ERCC8: variants seen among roughly 807,000 people sequenced by gnomAD.
The protein encoded by ERCC8 is DNA excision repair protein ERCC-8.
A neutral mutation model predicts 54.9 loss-of-function variants in ERCC8; 52 were observed. That is an observed-to-expected ratio of 0.95 (90% confidence interval 0.76 to 1.19). The LOEUF is 1.19. ERCC8 is among the 50% of genes most tolerant of loss of function. The pLI is 0.00. For synonymous variants in ERCC8, 146 were observed against 157.2 expected, an observed-to-expected ratio of 0.93 and a Z score of 0.53; for missense variants, 514 against 466.1, an observed-to-expected ratio of 1.10 and a Z score of -0.95.
At chr5:60,876,578 G>A (rs1318132561) in intron 11 of ERCC8, among the ~76,000 whole-genome samples, 2 of 152,154 alleles carry the variant, frequency 1.3e-5, no homozygotes, top group African/African-American at 2.4e-5. Flanking sequence ...CATTCTAACT[G>A]GTGTGAGATG....
chr5:60,913,079 T>C (rs1331273764), intron 4 of ERCC8, among the ~76,000 whole-genome samples: 1 of 152,108 alleles, frequency 6.6e-6, no homozygotes, highest in Non-Finnish European at 1.5e-5. Flanking sequence ...TCTGCCAGGC[T>C]TTGTTATCAG....
At chr5:60,882,711 T>TA (rs907642559) in intron 11 of ERCC8, among the ~76,000 whole-genome samples, 2 of 152,084 alleles carry the variant, frequency 1.3e-5, no homozygotes, top group African/African-American at 4.8e-5. Flanking sequence ...AAACCTCAGG[T>TA]AACTACTCAC....
At chr5:60,907,339 T>C (rs1359166560) in intron 4 of ERCC8, 1 of 150,636 alleles carries the variant, frequency 6.6e-6, no homozygotes, top group Non-Finnish European at 1.5e-5. Context: ...ACTCCTGTTA[T>C]CATAGAAACA....
intron 1 of ERCC8, among the ~76,000 whole-genome samples, chr5:60,938,024 TATACATAC>T (rs771352926): frequency 0.011 from 879 of 82,232 alleles, 69 homozygotes; most frequent in Middle Eastern, 0.027. Context: ...TGTGTGTGTG[TATACATAC>T]ATACATACAT....
At chr5:60,906,868 A>G (rs373211136) in intron 4 of ERCC8, among the ~76,000 whole-genome samples, 53 of 152,366 alleles carry the variant, frequency 3.5e-4, no homozygotes, top group African/African-American at 1.3e-3. Flanking sequence ...GCTAAAGGCA[A>G]GAGGGGGTGG....
chr5:60,876,319 G>C (rs1325458067), intron 11 of ERCC8, among the ~76,000 whole-genome samples: 2 of 152,160 alleles, frequency 1.3e-5, no homozygotes, highest in African/African-American at 4.8e-5. Context: ...TTCCTGTTGT[G>C]AATAGTGCCG....
At chr5:60,916,701 T>G (rs916521979) in intron 4 of ERCC8, among the ~76,000 whole-genome samples, 1 of 152,000 alleles carries the variant, frequency 6.6e-6, no homozygotes, top group African/African-American at 2.4e-5. Flanking sequence ...ATCTATTTAG[T>G]TTGAATTATT....
Position 60,871,418 on chromosome 5 carries a change from T to G in ERCC8, c.*3197A>C, listed in dbSNP as rs1747860543. 6.6e-6 allele frequency among the ~76,000 whole-genome samples: 1 copy of G among 152,202 alleles called. No homozygotes were observed. Among genetic ancestry groups the G allele is most frequent in the African/African-American group, 2.4e-5 (1 of 41,444 alleles). The stretch of plus-strand genomic sequence containing the variant: ...CATCCCCTATATGTCTGCATAGATA[T>G]ATATAGGATTGCAATATGAAAGAAC... On this transcript the variant is annotated 3_prime_UTR_variant, in exon 12 of 12. Transcript: ENST00000676185.
At chr5:60,892,493 G>A (rs754647654) in intron 9 of ERCC8, 17 of 578,348 alleles carry the variant, frequency 2.9e-5, no homozygotes, top group East Asian at 8.2e-5. Context: ...TGATCTTCCC[G>A]CTCACCCAGT....
At chr5:60,876,386 T>C (rs1748008453) in intron 11 of ERCC8, among the ~76,000 whole-genome samples, 2 of 152,198 alleles carry the variant, frequency 1.3e-5, no homozygotes, top group Non-Finnish European at 2.9e-5. Flanking sequence ...ATCCTTTGGG[T>C]ATATACCCAG....
At chr5:60,885,830 A>G (rs2112469735) in intron 11 of ERCC8, among the ~76,000 whole-genome samples, 1 of 152,318 alleles carries the variant, frequency 6.6e-6, no homozygotes, top group African/African-American at 2.4e-5. Flanking sequence ...AGATGCTATC[A>G]ACCACCTCTA....
chr5:60,882,483 C>T (rs1748265922), intron 11 of ERCC8, among the ~76,000 whole-genome samples: 1 of 152,152 alleles, frequency 6.6e-6, no homozygotes, highest in Non-Finnish European at 1.5e-5. Context: ...CAACCTCTGC[C>T]CCCCAGGTTC....
intron 4 of ERCC8, among the ~76,000 whole-genome samples, chr5:60,911,233 T>C (rs1580013386): frequency 6.6e-6 from 1 of 151,920 alleles, no homozygotes; most frequent in African/African-American, 2.4e-5. Flanking sequence ...TCTCCCCCTA[T>C]TTCTCCACAT....
intron 4 of ERCC8, among the ~76,000 whole-genome samples, chr5:60,911,669 C>T (rs1458489376): frequency 6.6e-6 from 1 of 152,122 alleles, no homozygotes; most frequent in African/African-American, 2.4e-5. Flanking sequence ...CTTGCCCATA[C>T]CTATGTCCTG....
At chr5:60,906,104 T>C (rs959429422) in intron 4 of ERCC8, among the ~76,000 whole-genome samples, 1 of 152,116 alleles carries the variant, frequency 6.6e-6, no homozygotes, top group Non-Finnish European at 1.5e-5. Flanking sequence ...CAGGAGTAAT[T>C]GGGGAAGTTA....
Position 60,945,010 on chromosome 5 carries a change from T to C in ERCC8, c.-2A>G, listed in dbSNP as rs753387028. ...GCGTGCGGACAAAAACCCCAGCATA[T>C]CGTGTCCTCACACCGGCTGGAGCAC... is the stretch of plus-strand genomic sequence containing the variant. On this transcript the variant is annotated 5_prime_UTR_variant, in exon 1 of 12. Coordinates refer to ENST00000676185, the MANE Select transcript of ERCC8 (RefSeq NM_000082.4). 12 of 1,613,516 alleles carry C rather than the reference T, an allele frequency of 7.4e-6. No individual in the cohort carries two copies. The highest frequency in any genetic ancestry group is 9.3e-6 in the Non-Finnish European group (11 of 1,179,552).
intron 9 of ERCC8, chr5:60,892,000 C>T (rs900604736): frequency 9.4e-6 from 5 of 529,850 alleles, no homozygotes; most frequent in Non-Finnish European, 1.9e-5. Context: ...AGACAGCTCC[C>T]TGGGGATTTT....
chr5:60,881,827 CCCT>C (rs1358353226), intron 11 of ERCC8, among the ~76,000 whole-genome samples: 1 of 152,196 alleles, frequency 6.6e-6, no homozygotes, highest in East Asian at 1.9e-4. Flanking sequence ...CGATGCCTCA[CCCT>C]GCTTTGGCTC....
chr5:60,908,285 T>G (rs892204708), intron 4 of ERCC8, among the ~76,000 whole-genome samples: 3 of 152,016 alleles, frequency 2.0e-5, no homozygotes, highest in Admixed American at 6.6e-5. Context: ...AATCTAGAAC[T>G]CAAAAAATTT....
Sources: allele counts gnomAD v4.1 joint callset (sites outside exome capture counted in the v4.1 genomes callset), GRCh38; gene constraint gnomAD v4.1.1; transcripts MANE v1.5; gene names NCBI Gene and HGNC (gene_info 2026-07-23, HGNC 2026-07-21).